Variants in ZYG11B observed in about 807,000 individuals in gnomAD.
ZYG11B encodes the protein zyg-11 family member B, cell cycle regulator, also known as protein zyg-11 homolog B.
Under a neutral mutation model 82.4 loss-of-function variants are expected in ZYG11B, and 36 were observed. That is an observed-to-expected ratio of 0.44 (90% confidence interval 0.33 to 0.58). ZYG11B has a LOEUF of 0.58. Among genes scored for constraint, ZYG11B ranks in the 20% least tolerant of loss-of-function variants. The pLI is 0.02. For synonymous variants in ZYG11B, 303 were observed against 312.8 expected (o/e 0.97, Z 0.33); for missense variants, 552 against 895.6 (o/e 0.62, Z 4.90).
chr1:52,739,814 C>T (rs1051595808), intron 1 of ZYG11B, among the ~76,000 whole-genome samples: 4 of 151,990 alleles, frequency 2.6e-5, no homozygotes, highest in African/African-American at 9.7e-5. Context: ...CCATGTTGGC[C>T]GGGCTGGTCT....
intron 6 of ZYG11B, among the ~76,000 whole-genome samples, chr1:52,793,892 C>T (rs892802650): frequency 1.4e-5 from 2 of 146,948 alleles, no homozygotes; most frequent in African/African-American, 5.2e-5. Flanking sequence ...TCCTTCCTTC[C>T]TTCCTTCCTT....
intron 1 of ZYG11B, among the ~76,000 whole-genome samples, chr1:52,754,933 C>T (rs1233882488): frequency 1.3e-5 from 2 of 149,942 alleles, no homozygotes; most frequent in Non-Finnish European, 1.5e-5. Flanking sequence ...CCAGTGGTCC[C>T]AGCATCATTT....
chr1:52,736,462 C>CT (rs1490364828), intron 1 of ZYG11B, among the ~76,000 whole-genome samples: 2 of 149,924 alleles, frequency 1.3e-5, no homozygotes, highest in Non-Finnish European at 3.0e-5. Flanking sequence ...TCTTTTTTTT[C>CT]TTTTTTTTGA....
chr1:52,783,280 G>A (rs1644872085), intron 4 of ZYG11B, among the ~76,000 whole-genome samples: 1 of 152,082 alleles, frequency 6.6e-6, no homozygotes, highest in Non-Finnish European at 1.5e-5. Context: ...AAAAAAGATG[G>A]TAATCGTTTG....
At chr1:52,789,893 C>A in intron 5 of ZYG11B, 110 bp from the exon 6 acceptor site, 1 of 669,090 alleles carries the variant, frequency 1.5e-6, no homozygotes, top group Non-Finnish European at 2.4e-6. Flanking sequence ...TAAGAAATAA[C>A]TGGTGTTTCA....
At chr1:52,736,932 C>G (rs1644383003) in intron 1 of ZYG11B, among the ~76,000 whole-genome samples, 1 of 151,714 alleles carries the variant, frequency 6.6e-6, no homozygotes, top group Non-Finnish European at 1.5e-5. Context: ...ATGATCTGAT[C>G]TTTTTTACTG....
At chr1:52,804,055 C>G (rs953101616) in intron 10 of ZYG11B, among the ~76,000 whole-genome samples, 1 of 152,072 alleles carries the variant, frequency 6.6e-6, no homozygotes, top group South Asian at 2.1e-4. Context: ...GCCTGGGCAA[C>G]GAAGCACAAC....
intron 1 of ZYG11B, among the ~76,000 whole-genome samples, chr1:52,746,876 G>GGT (rs1558119553): frequency 1.6e-5 from 2 of 128,276 alleles, no homozygotes; most frequent in Non-Finnish European, 3.4e-5. Context: ...TATTTTTGGA[G>GGT]TTTTTTTTTT....
At position 52,796,396 on chromosome 1, in the gene ZYG11B, CTGAACTCTTGCTGAATAA is replaced by C. The variant is rs1345096129; in HGVS notation, c.1434+7_1434+24del. The stretch of plus-strand genomic sequence containing the variant: ...ATTTCTATCCTGGCTGCCAAGGTAC[CTGAACTCTTGCTGAATAA>C]TTTTCTGTAGACAGCTGTTTCTCAC... On this transcript the variant is annotated splice_donor_region_variant and intron_variant, in intron 7 of 13. Coordinates refer to ENST00000294353, the MANE Select transcript of ZYG11B (RefSeq NM_024646.3). The C allele has an allele frequency of 6.2e-7, 1 of 1,609,918 alleles. No homozygotes were observed. Among genetic ancestry groups the C allele is most frequent in the South Asian group, 1.1e-5 (1 of 90,784 alleles).
chr1:52,775,029 C>T (rs897809375), intron 3 of ZYG11B, among the ~76,000 whole-genome samples: 2 of 150,786 alleles, frequency 1.3e-5, no homozygotes, highest in Non-Finnish European at 2.9e-5. Context: ...ATCTTTGCCT[C>T]TTCCTTGAGA....
chr1:52,781,135 A>AAACAAC (rs747903078), intron 4 of ZYG11B, among the ~76,000 whole-genome samples: 1 of 152,114 alleles, frequency 6.6e-6, no homozygotes, highest in African/African-American at 2.4e-5. Flanking sequence ...GACTCTCTCA[A>AAACAAC]AACAACAACA....
intron 10 of ZYG11B, among the ~76,000 whole-genome samples, chr1:52,806,871 G>A (rs1469127284): frequency 6.8e-6 from 1 of 148,016 alleles, no homozygotes; most frequent in East Asian, 2.1e-4. Flanking sequence ...GGAGTACAAT[G>A]TAATTTTTTT....
intron 8 of ZYG11B, among the ~76,000 whole-genome samples, chr1:52,797,631 C>G (rs959175840): frequency 4.0e-5 from 6 of 149,178 alleles, no homozygotes; most frequent in African/African-American, 1.5e-4. Flanking sequence ...GCCTCAGCCT[C>G]CCGAGTAGCT....
intron 5 of ZYG11B, among the ~76,000 whole-genome samples, chr1:52,787,616 C>T (rs900006555): frequency 1.3e-5 from 2 of 152,198 alleles, no homozygotes; most frequent in South Asian, 4.1e-4. Flanking sequence ...GCTGGCATCC[C>T]CTGCAAGCTT....
At chr1:52,743,078 G>A (rs1448073777) in intron 1 of ZYG11B, among the ~76,000 whole-genome samples, 3 of 151,906 alleles carry the variant, frequency 2.0e-5, no homozygotes, top group East Asian at 3.9e-4. Context: ...CATTGTGAAC[G>A]GGCCATGATG....
intron 12 of ZYG11B, among the ~76,000 whole-genome samples, chr1:52,815,578 T>C (rs546512576): frequency 4.5e-4 from 69 of 152,054 alleles, no homozygotes; most frequent in African/African-American, 1.6e-3. Context: ...TGAGATCGCC[T>C]TACTGCACTC....
At chr1:52,805,478 A>G (rs2149961858) in intron 10 of ZYG11B, 1 of 456,012 alleles carries the variant, frequency 2.2e-6, no homozygotes. Context: ...CAGGGTTAAT[A>G]TGATTATTTG....
chr1:52,816,777 ATTCTT>A, intron 13 of ZYG11B, 148 bp downstream of exon 13: 8 of 364,052 alleles, frequency 2.2e-5, no homozygotes, highest in South Asian at 1.1e-4. Flanking sequence ...AACTTAAGGT[ATTCTT>A]TTTTTTTTTT....
chr1:52,773,752 C>T (rs1322734529), intron 3 of ZYG11B, among the ~76,000 whole-genome samples: 2 of 143,542 alleles, frequency 1.4e-5, no homozygotes, highest in African/African-American at 5.2e-5. Flanking sequence ...AAGTGATTCT[C>T]CTGCCTCAGT....
Sources: gnomAD v4.1 joint callset for allele counts (sites outside exome capture counted in the v4.1 genomes callset) on GRCh38, gnomAD v4.1.1 for gene constraint, MANE v1.5 for transcripts, NCBI Gene and HGNC (gene_info 2026-07-23, HGNC 2026-07-21) for gene names.